Variants in P2RY13 observed in about 807,000 individuals in gnomAD.
The protein encoded by P2RY13 is P2Y purinoceptor 13.
For synonymous variants in P2RY13, 150 were observed against 155.1 expected (o/e 0.97, Z 0.24); for missense variants, 412 against 418.4 (o/e 0.98, Z 0.13).
Position 151,328,381 on chromosome 3 carries a change from A to G in P2RY13, c.675T>C (p.Leu225=). 6.2e-7 allele frequency: 1 copy of G among 1,613,472 alleles called. No homozygotes were observed. Among genetic ancestry groups the G allele is most frequent in the South Asian group, 1.1e-5 (1 of 90,960 alleles). ...TTTTTGCAATAACCACATAAAACAC[A>G]AGCATTAGGATAAAAACAGTCCAGA... ...FIFWTVFILM[L]VFYVVIAKKV... The change falls in exon 2 of 2, where the codon CTT becomes CTC. Residue 225 remains leucine (L), a synonymous_variant. Coordinates refer to ENST00000325602, the MANE Select transcript of P2RY13 (RefSeq NM_176894.3).
In P2RY13 at chr3:151,326,658, C is replaced by T. The variant is rs1435675011; in HGVS notation, c.*1333G>A. On this transcript the variant is annotated 3_prime_UTR_variant, in exon 2 of 2. Transcript: ENST00000325602. ...GAAATTTATACAAGAGTATAAAGTTCAAGAGATGGATAAGTAGCTAGGAGG... is the reference window on the plus strand; with the variant it reads ...GAAATTTATACAAGAGTATAAAGTTTAAGAGATGGATAAGTAGCTAGGAGG... The T allele has an allele frequency of 1.3e-5, 2 of 152,058 alleles. No homozygotes were observed. Among genetic ancestry groups the T allele is most frequent in the African/African-American group, 4.8e-5 (2 of 41,380 alleles). 9.4% of individuals were successfully genotyped at this position (152,058 alleles called of 1,614,324 possible). A position where few individuals can be genotyped will look rare whatever the true frequency, so the allele number is the denominator to read the frequency against.
In P2RY13 at chr3:151,328,259, A is replaced by G. The variant is rs1196503068; in HGVS notation, c.797T>C (p.Val266Ala). 8 of 1,613,920 alleles carry G rather than the reference A, an allele frequency of 5.0e-6. No individual in the cohort carries two copies. The highest frequency in any genetic ancestry group is 1.3e-5 in the African/African-American group (1 of 74,922). Residue 266 changes from valine to alanine, a missense_variant, in exon 2 of 2, where the codon GTG becomes GCG. Transcript: ENST00000325602. Reference sequence around the variant, plus strand: ...GGCAAAATGAAATGGAGCAAAACACACAAAGAAGACAGCCACGACAACAAA... The same window carrying G: ...GGCAAAATGAAATGGAGCAAAACACGCAAAGAAGACAGCCACGACAACAAA... ...KVFVVVAVFF[V>A]CFAPFHFARV...
chr3:151,326,752 C>T lies in P2RY13; in HGVS notation c.*1239G>A, dbSNP rs933788425. On this transcript the variant is annotated 3_prime_UTR_variant, in exon 2 of 2. Coordinates refer to ENST00000325602, the MANE Select transcript of P2RY13 (RefSeq NM_176894.3). ...GGAAGAAAACGTGGGCTTCACCCTA[C>T]GATGGTCGTGTTGGAGCTCGTGGCA... 2.6e-5 allele frequency: 4 copies of T among 152,190 alleles called. No homozygotes were observed. In the East Asian group the frequency reaches 5.8e-4, roughly 22 times the overall value. The allele number at this position is 152,190 out of a possible 1,614,324, so 9.4% of individuals were successfully genotyped here. A position where few individuals can be genotyped will look rare whatever the true frequency, so the allele number is the denominator to read the frequency against.
In P2RY13 at chr3:151,328,997, T is replaced by C. The variant is rs749980757; in HGVS notation, c.59A>G (p.Glu20Gly). The C allele has an allele frequency of 6.3e-7, 1 of 1,592,644 alleles. No homozygotes were observed. The highest frequency in any genetic ancestry group is 1.1e-5 in the South Asian group (1 of 88,360). ...TTGCATCACTGTGGTGTTCATTGCTTCCAGTGTCACCTGTTACCAATAAAC... is the reference window on the plus strand; with the variant it reads ...TTGCATCACTGTGGTGTTCATTGCTCCCAGTGTCACCTGTTACCAATAAAC... ...ELSILPKVTL[E>G]AMNTTVMQGF... The change falls in exon 2 of 2, where the codon GAA becomes GGA. Residue 20 changes from glutamate to glycine, a missense_variant. Transcript: ENST00000325602.
Position 151,328,260 on chromosome 3 carries a change from CAAA to C in P2RY13, c.793_795del (p.Phe265del). The C allele has an allele frequency of 6.2e-7, 1 of 1,613,966 alleles. No homozygotes were observed. The highest frequency in any genetic ancestry group is 8.5e-7 in the Non-Finnish European group (1 of 1,179,940). On this transcript the variant is annotated inframe_deletion, in exon 2 of 2. Transcript: ENST00000325602. The stretch of plus-strand genomic sequence containing the variant: ...GCAAAATGAAATGGAGCAAAACACA[CAAA>C]GAAGACAGCCACGACAACAAATACT...
Position 151,328,529 on chromosome 3 carries a change from A to G in P2RY13, c.527T>C (p.Leu176Pro). Residue 176 changes from leucine (L) to proline (P), a missense_variant, in exon 2 of 2, where the codon CTG becomes CCG. Coordinates refer to ENST00000325602, the MANE Select transcript of P2RY13 (RefSeq NM_176894.3). Reference protein sequence around the residue: ...FIWFFLFFISLPNTILSNKEA... With the variant: ...FIWFFLFFISPPNTILSNKEA... ...CTTGTTGCTCAAGATCGTATTTGGC[A>G]GGGAGATGAAGAACAAAAAGAACCA... 1.2e-6 allele frequency: 2 copies of G among 1,613,976 alleles called. No individual in the cohort carries two copies. The highest frequency in any genetic ancestry group is 1.7e-4 in the Middle Eastern group (1 of 6,060).
At position 151,328,474 on chromosome 3, in the gene P2RY13, A is replaced by G. The variant is rs1367696439; in HGVS notation, c.582T>C (p.Cys194=). ...GCCCCAGAGGCCCCTTTAAGGAAGC[A>G]CACTTTTTCACAGACGATGGTGTTG... The part of the protein sequence containing the change: ...KEATPSSVKK[C]ASLKGPLGLK... Residue 194 remains cysteine (C), a synonymous_variant, in exon 2 of 2, where the codon TGT becomes TGC. Transcript: ENST00000325602. The G allele has an allele frequency of 7.4e-6, 12 of 1,613,946 alleles. No homozygotes were observed. The highest frequency in any genetic ancestry group is 1.3e-5 in the African/African-American group (1 of 74,920).
In P2RY13 at chr3:151,328,204, G is replaced by A; in HGVS notation, c.852C>T (p.Asn284=). 6.2e-7 allele frequency: 1 copy of A among 1,612,800 alleles called. No homozygotes were observed. Among genetic ancestry groups the A allele is most frequent in the Non-Finnish European group, 8.5e-7 (1 of 1,179,432 alleles). The change falls in exon 2 of 2, where the codon AAC becomes AAT. Residue 284 remains asparagine, a synonymous_variant. Coordinates refer to ENST00000325602, the MANE Select transcript of P2RY13 (RefSeq NM_176894.3). ...TTTGCAGTCTACAGTCAGTCTTATT[G>A]TTGGTTTGACTGTGAGTATATGGAA... is the stretch of plus-strand genomic sequence containing the variant. ...ARVPYTHSQT[N]NKTDCRLQNQ... is the part of the protein sequence containing the mutation.
rs1200037078 is a variant in P2RY13 at position 151,328,934 on chromosome 3, C to T, written c.122G>A (p.Arg41Gln). 7.4e-6 allele frequency: 12 copies of T among 1,613,706 alleles called. No individual in the cohort carries two copies. Among genetic ancestry groups the T allele is most frequent in the Admixed American group, 1.7e-5 (1 of 60,008 alleles). Residue 41 changes from arginine (R) to glutamine (Q), a missense_variant, in exon 2 of 2, where the codon CGG becomes CAG. Arg to Gln is a conservative substitution (Grantham distance 43). Transcript: ENST00000325602. ...GGCTGGGAATACCAGCTGTACTATCCGAGTGTCTCTGGGGCACCGCTCAGA... is the reference window on the plus strand; with the variant it reads ...GGCTGGGAATACCAGCTGTACTATCTGAGTGTCTCTGGGGCACCGCTCAGA... ...NRSERCPRDT[R>Q]IVQLVFPALY...
In P2RY13 at chr3:151,327,936, C is replaced by A; in HGVS notation, c.*55G>T. On this transcript the variant is annotated 3_prime_UTR_variant, in exon 2 of 2. Coordinates refer to ENST00000325602, the MANE Select transcript of P2RY13 (RefSeq NM_176894.3). ...TTTTTTCTTGGTTAAATTTGATTTC[C>A]ACATTATCTACGGAAGTCTCATCAA... 6 of 1,242,770 alleles carry A rather than the reference C, an allele frequency of 4.8e-6. No individual in the cohort carries two copies. In the South Asian group the frequency reaches 7.0e-5, roughly 15 times the overall value. 77.0% of individuals were successfully genotyped at this position (1,242,770 alleles called of 1,614,324 possible).
chr3:151,327,911 T>A lies in P2RY13; in HGVS notation c.*80A>T. On this transcript the variant is annotated 3_prime_UTR_variant, in exon 2 of 2. Coordinates refer to ENST00000325602, the MANE Select transcript of P2RY13 (RefSeq NM_176894.3). Reference sequence around the variant, plus strand: ...TGTAAGAGAGCATTTGTTCCAATCTTTTTTTCTTGGTTAAATTTGATTTCC... The same window carrying A: ...TGTAAGAGAGCATTTGTTCCAATCTATTTTTCTTGGTTAAATTTGATTTCC... The A allele has an allele frequency of 9.6e-7, 1 of 1,043,756 alleles. No homozygotes were observed. Among genetic ancestry groups the A allele is most frequent in the East Asian group, 2.5e-5 (1 of 40,496 alleles). The allele number at this position is 1,043,756 out of a possible 1,614,324, so 64.7% of individuals were successfully genotyped here. A position where few individuals can be genotyped will look rare whatever the true frequency, so the allele number is the denominator to read the frequency against.
chr3:151,326,595 G>T lies in P2RY13; in HGVS notation c.*1396C>A, dbSNP rs1263326018. ...GTGTACCAGGGGGAAATATACATGTGTGGTGCCAAAACAGAGTATGGCATT... is the reference window on the plus strand; with the variant it reads ...GTGTACCAGGGGGAAATATACATGTTTGGTGCCAAAACAGAGTATGGCATT... On this transcript the variant is annotated 3_prime_UTR_variant, in exon 2 of 2. Transcript: ENST00000325602. The T allele has an allele frequency of 6.6e-6, 1 of 152,170 alleles. No homozygotes were observed. The highest frequency in any genetic ancestry group is 1.5e-5 in the Non-Finnish European group (1 of 68,026). 9.4% of individuals were successfully genotyped at this position (152,170 alleles called of 1,614,324 possible). A position where few individuals can be genotyped will look rare whatever the true frequency, so the allele number is the denominator to read the frequency against.
rs560572748 is a variant in P2RY13 at position 151,328,831 on chromosome 3, G to A, written c.225C>T (p.Ser75=). ...ALWVFVHIPS[S]STFIIYLKNT... The stretch of plus-strand genomic sequence containing the variant: ...TTTTGAGGTAGATGATGAAGGTGGA[G>A]GAGCTGGGGATGTGAACAAACACCC... The change falls in exon 2 of 2, where the codon TCC becomes TCT. Residue 75 remains serine, a synonymous_variant. Coordinates refer to ENST00000325602, the MANE Select transcript of P2RY13 (RefSeq NM_176894.3). The A allele has an allele frequency of 1.9e-6, 3 of 1,613,986 alleles. No individual in the cohort carries two copies. The highest frequency in any genetic ancestry group is 2.7e-5 in the African/African-American group (2 of 75,020).
intron 1 of P2RY13, 130 bp from the exon 2 acceptor site, chr3:151,329,137 A>G (rs1364211373): frequency 1.5e-6 from 1 of 663,118 alleles, no homozygotes; most frequent in Admixed American, 3.4e-5. Context: ...AACACTTTCA[A>G]TAGATGTGTT....
At chr3:151,329,104 A>T in intron 1 of P2RY13, 97 bp from the exon 2 acceptor site, 1 of 810,098 alleles carries the variant, frequency 1.2e-6, no homozygotes, top group East Asian at 2.6e-5. Context: ...TGTTTATAGC[A>T]TATTAACATC....
intron 1 of P2RY13, 63 bp from the exon 2 acceptor site, chr3:151,329,070 G>T: frequency 1.6e-6 from 2 of 1,261,390 alleles, no homozygotes; most frequent in Non-Finnish European, 2.2e-6. Flanking sequence ...ATTTTCAAAT[G>T]CTATTTTTTA....
chr3:151,327,749 A>AT lies in P2RY13; in HGVS notation c.*241_*242insA. The AT allele has an allele frequency of 6.1e-6, 2 of 327,642 alleles. No homozygotes were observed. 20.3% of individuals were successfully genotyped at this position (327,642 alleles called of 1,614,324 possible). A position where few individuals can be genotyped will look rare whatever the true frequency, so the allele number is the denominator to read the frequency against. ...CTCTTGAAATTAAAAAAAAAAAAAA[A>AT]GAAAGAAAGAAATAATGACCTCTAG... On this transcript the variant is annotated 3_prime_UTR_variant, in exon 2 of 2. Transcript: ENST00000325602.
chr3:151,329,351 G>A (rs1750085575), intron 1 of P2RY13, 130 bp downstream of exon 1: 5 of 613,902 alleles, frequency 8.1e-6, no homozygotes, highest in Non-Finnish European at 8.7e-6. Flanking sequence ...TCAGATTGCT[G>A]TAAATTATGT....
intron 1 of P2RY13, 66 bp from the exon 2 acceptor site, chr3:151,329,073 A>AT: frequency 8.2e-7 from 1 of 1,222,412 alleles, no homozygotes; most frequent in African/African-American, 1.5e-5. Flanking sequence ...TTCAAATGCT[A>AT]TTTTTTAAAA....
Sources: allele counts gnomAD v4.1 joint callset, GRCh38; gene constraint gnomAD v4.1.1; transcripts MANE v1.5; gene names NCBI Gene and HGNC (gene_info 2026-07-23, HGNC 2026-07-21).